Variants in NKAIN2 observed in about 807,000 individuals in gnomAD.
NKAIN2 encodes sodium/potassium-transporting ATPase subunit beta-1-interacting protein 2.
NKAIN2 carries 14 observed loss-of-function variants against 32.6 expected under a neutral mutation model. That is an observed-to-expected ratio of 0.43 (90% CI 0.28 to 0.67). The LOEUF is 0.67. Among genes scored for constraint, NKAIN2 ranks in the 30% least tolerant of loss-of-function variants. The probability of loss-of-function intolerance (pLI) is 0.17; values close to 1 mark genes in which losing one functional copy is unlikely to be tolerated. For synonymous variants in NKAIN2, 80 were observed against 87.2 expected (o/e 0.92, Z 0.46); for missense variants, 198 against 258.3 (o/e 0.77, Z 1.60).
At chr6:124,352,402 C>T (rs1798774376) in intron 2 of NKAIN2, among the ~76,000 whole-genome samples, 1 of 151,934 alleles carries the variant, frequency 6.6e-6, no homozygotes, top group Non-Finnish European at 1.5e-5. Context: ...GTGACTATTC[C>T]ATATATACCA....
intron 1 of NKAIN2, among the ~76,000 whole-genome samples, chr6:123,868,426 T>C (rs1168454913): frequency 6.6e-6 from 1 of 152,214 alleles, no homozygotes; most frequent in Admixed American, 6.5e-5. Flanking sequence ...AGAGTTTTTG[T>C]ACGTATTAAT....
intron 3 of NKAIN2, among the ~76,000 whole-genome samples, chr6:124,384,175 C>T (rs1457193395): frequency 1.3e-5 from 2 of 152,088 alleles, no homozygotes; most frequent in Non-Finnish European, 2.9e-5. Context: ...TCTGTCTCCC[C>T]AGACCTGGAA....
chr6:124,817,043 G>A (rs1438878816), intron 5 of NKAIN2, among the ~76,000 whole-genome samples: 2 of 152,120 alleles, frequency 1.3e-5, no homozygotes, highest in Non-Finnish European at 2.9e-5. Context: ...AGAGGGGATG[G>A]CTTGTCTCTG....
intron 1 of NKAIN2, among the ~76,000 whole-genome samples, chr6:123,849,363 G>A (rs1775221277): frequency 6.6e-6 from 1 of 152,164 alleles, no homozygotes; most frequent in Non-Finnish European, 1.5e-5. Flanking sequence ...ACATGGAATG[G>A]CAGGAAGCCA....
intron 1 of NKAIN2, among the ~76,000 whole-genome samples, chr6:123,843,208 GTGTCCCGAATTCT>G (rs1378115910): frequency 6.6e-6 from 1 of 152,194 alleles, no homozygotes; most frequent in Non-Finnish European, 1.5e-5. Context: ...CGCACCCAGT[GTGTCCCGAATTCT>G]TGTCCAGAAT....
At chr6:124,510,111 C>T (rs1200320155) in intron 3 of NKAIN2, among the ~76,000 whole-genome samples, 1 of 151,390 alleles carries the variant, frequency 6.6e-6, no homozygotes, top group Non-Finnish European at 1.5e-5. Context: ...GGAATAATTA[C>T]CATGATTTTT....
At chr6:123,974,975 A>C (rs1028931468) in intron 1 of NKAIN2, among the ~76,000 whole-genome samples, 1 of 152,196 alleles carries the variant, frequency 6.6e-6, no homozygotes, top group African/African-American at 2.4e-5. Flanking sequence ...TCCATCATTA[A>C]AGAATTAATT....
At chr6:124,775,628 A>G (rs1778953382) in intron 4 of NKAIN2, among the ~76,000 whole-genome samples, 1 of 152,162 alleles carries the variant, frequency 6.6e-6, no homozygotes, top group South Asian at 2.1e-4. Flanking sequence ...TTTTTCATGT[A>G]AAAGTGAATT....
At chr6:124,196,976 T>C (rs1158895554) in intron 1 of NKAIN2, among the ~76,000 whole-genome samples, 1 of 151,752 alleles carries the variant, frequency 6.6e-6, no homozygotes, top group Non-Finnish European at 1.5e-5. Context: ...TAAGGAAAGG[T>C]ATTAAGAAGG....
chr6:124,749,321 C>T (rs1040974289), intron 4 of NKAIN2, among the ~76,000 whole-genome samples: 1 of 151,918 alleles, frequency 6.6e-6, no homozygotes, highest in Non-Finnish European at 1.5e-5. Flanking sequence ...AGAATAATTT[C>T]CCCATCTCAA....
At chr6:123,871,684 G>C (rs187218695) in intron 1 of NKAIN2, among the ~76,000 whole-genome samples, 1 of 152,152 alleles carries the variant, frequency 6.6e-6, no homozygotes, top group African/African-American at 2.4e-5. Flanking sequence ...TAGACTTCTC[G>C]TATGGAAGTG....
chr6:124,072,987 T>C (rs1036757666), intron 1 of NKAIN2, among the ~76,000 whole-genome samples: 1 of 152,182 alleles, frequency 6.6e-6, no homozygotes, highest in African/African-American at 2.4e-5. Flanking sequence ...TGTTTGGTCA[T>C]TTTCCTTAGG....
chr6:124,518,422 G>A (rs661381), intron 3 of NKAIN2, among the ~76,000 whole-genome samples: 149,742 of 152,246 alleles, frequency 0.98, 73,679 homozygotes, highest in East Asian at 1. Context: ...AAAGATGTTT[G>A]ATTGGCTTAG....
At chr6:124,092,385 A>G (rs112033638) in intron 1 of NKAIN2, among the ~76,000 whole-genome samples, 42 of 152,252 alleles carry the variant, frequency 2.8e-4, no homozygotes, top group Admixed American at 6.5e-4. Flanking sequence ...TAGAAAATAT[A>G]TAAGGAACAA....
At chr6:124,257,888 C>T (rs908770060) in intron 1 of NKAIN2, among the ~76,000 whole-genome samples, 8 of 150,082 alleles carry the variant, frequency 5.3e-5, no homozygotes, top group African/African-American at 2.0e-4. Flanking sequence ...AAGTGATTCT[C>T]CTACCTCAGC....
At chr6:124,346,968 G>T (rs1798455711) in intron 2 of NKAIN2, among the ~76,000 whole-genome samples, 1 of 151,842 alleles carries the variant, frequency 6.6e-6, no homozygotes, top group Non-Finnish European at 1.5e-5. Context: ...TGCAGCAGCT[G>T]GTACCGGTTG....
At chr6:124,029,881 C>A (rs1040893176) in intron 1 of NKAIN2, among the ~76,000 whole-genome samples, 6 of 152,054 alleles carry the variant, frequency 3.9e-5, no homozygotes, top group Admixed American at 3.9e-4. Flanking sequence ...GAGAACTCTA[C>A]TGTGAACTGT....
chr6:124,165,668 CCCCCTA>C (rs1788498342), intron 1 of NKAIN2, among the ~76,000 whole-genome samples: 1 of 129,556 alleles, frequency 7.7e-6, no homozygotes, highest in Non-Finnish European at 1.6e-5. Context: ...CCTCCCCCCT[CCCCCTA>C]CCCCACCACA....
intron 1 of NKAIN2, among the ~76,000 whole-genome samples, chr6:124,080,646 T>G (rs1295549382): frequency 2.0e-5 from 3 of 151,800 alleles, no homozygotes; most frequent in Non-Finnish European, 2.9e-5. Context: ...AGGAAGAAAA[T>G]AAACTGAGGA....
Sources: gnomAD v4.1 joint callset for allele counts (sites outside exome capture counted in the v4.1 genomes callset) on GRCh38, gnomAD v4.1.1 for gene constraint, MANE v1.5 for transcripts, NCBI Gene and HGNC (gene_info 2026-07-23, HGNC 2026-07-21) for gene names.